Variants in JPH2 observed in about 807,000 individuals in gnomAD.
JPH2 encodes junctophilin-2.
Under a neutral mutation model 55.9 loss-of-function variants are expected in JPH2, and 38 were observed. The observed-to-expected ratio is 0.68, with a 90% CI of 0.52 to 0.89. The LOEUF (loss-of-function observed/expected upper bound fraction) is 0.89, where lower values mean the gene tolerates loss of function less well. Among genes scored for constraint, JPH2 ranks in the 40% least tolerant of loss-of-function variants. The probability of loss-of-function intolerance (pLI) is 0.00; values close to 1 mark genes in which losing one functional copy is unlikely to be tolerated. For missense variants in JPH2, 964 were observed against 1,037.6 expected, an observed-to-expected ratio of 0.93 and a Z score of 0.97; for synonymous variants, 480 against 472.4, an observed-to-expected ratio of 1.02 and a Z score of -0.21.
chr20:44,179,113 A>G (rs2072759469), intron 1 of JPH2, among the ~76,000 whole-genome samples: 1 of 152,178 alleles, frequency 6.6e-6, no homozygotes, highest in Admixed American at 6.5e-5. Context: ...TGTAACAATA[A>G]TAGTAGTAGT....
intron 2 of JPH2, among the ~76,000 whole-genome samples, chr20:44,141,270 T>C (rs1338374993): frequency 1.3e-5 from 2 of 152,222 alleles, no homozygotes; most frequent in African/African-American, 2.4e-5. Flanking sequence ...AGGTCTTCAC[T>C]TCTGCATGGA....
chr20:44,142,299 C>G (rs1377726873), intron 2 of JPH2, among the ~76,000 whole-genome samples: 1 of 152,186 alleles, frequency 6.6e-6, no homozygotes, highest in Non-Finnish European at 1.5e-5. Flanking sequence ...AGAAAGGAAA[C>G]TTTTCCTTTC....
chr20:44,156,333 T>C (rs2072566204), intron 2 of JPH2, among the ~76,000 whole-genome samples: 2 of 152,234 alleles, frequency 1.3e-5, no homozygotes, highest in Non-Finnish European at 2.9e-5. Flanking sequence ...TTTGGAACTT[T>C]TCTGTAAATC....
intron 2 of JPH2, among the ~76,000 whole-genome samples, chr20:44,152,285 G>C (rs1175490642): frequency 6.6e-6 from 1 of 152,238 alleles, no homozygotes; most frequent in Non-Finnish European, 1.5e-5. Context: ...TGTGCAACCT[G>C]TTTGAGAAAC....
rs192860279 is a variant in JPH2, at chr20:44,108,517, C to G, written c.*5001G>C. Among the ~76,000 whole-genome samples, 100 of 151,726 alleles carry G rather than the reference C, an allele frequency of 6.6e-4. No homozygotes were observed. The highest frequency in any genetic ancestry group is 2.4e-3 in the African/African-American group (99 of 41,266). ...GTTCCCTCAGACTTTGCTGACTTTA[C>G]AGCCTCAAGATTGCTGACTTTACAG... On this transcript the variant is annotated 3_prime_UTR_variant, in exon 6 of 6. Coordinates refer to ENST00000372980, the MANE Select transcript of JPH2 (RefSeq NM_020433.5).
chr20:44,177,865 A>G, intron 1 of JPH2: 1 of 1,610,558 alleles, frequency 6.2e-7, no homozygotes, highest in Non-Finnish European at 8.5e-7. Context: ...TGAAGGAAAT[A>G]CGGGAATATA....
At position 44,186,802 on chromosome 20, in the gene JPH2, C is replaced by A. The variant is rs978525805; in HGVS notation, c.-97G>T. ...CTCCTCCAGTGCCCTCGGGGGCAGG[C>A]CCCCAGACTCACCACTGCACCCCAG... On this transcript the variant is annotated 5_prime_UTR_variant, in exon 1 of 6. Coordinates refer to ENST00000372980, the MANE Select transcript of JPH2 (RefSeq NM_020433.5). 2.4e-6 allele frequency: 3 copies of A among 1,247,094 alleles called. No individual in the cohort carries two copies. The highest frequency in any genetic ancestry group is 3.5e-6 in the Non-Finnish European group (3 of 867,340). 77.3% of individuals were successfully genotyped at this position (1,247,094 alleles called of 1,614,324 possible). A position where few individuals can be genotyped will look rare whatever the true frequency, so the allele number is the denominator to read the frequency against.
intron 1 of JPH2, among the ~76,000 whole-genome samples, chr20:44,169,230 G>T (rs1260475687): frequency 6.7e-6 from 1 of 148,486 alleles, no homozygotes; most frequent in Non-Finnish European, 1.5e-5. Flanking sequence ...AGGCTGGAGT[G>T]CAGTAGTGTG....
At chr20:44,170,377 C>T (rs1289339283) in intron 1 of JPH2, among the ~76,000 whole-genome samples, 1 of 152,236 alleles carries the variant, frequency 6.6e-6, no homozygotes, top group Non-Finnish European at 1.5e-5. Flanking sequence ...TGATCCTTCT[C>T]CAAGTCCTCT....
At chr20:44,117,789 TA>T (rs2072205015) in intron 3 of JPH2, among the ~76,000 whole-genome samples, 1 of 152,230 alleles carries the variant, frequency 6.6e-6, no homozygotes, top group African/African-American at 2.4e-5. Flanking sequence ...TCTCCCATTC[TA>T]ACCGCACAGT....
At chr20:44,174,916 C>T (rs956291140) in intron 1 of JPH2, among the ~76,000 whole-genome samples, 2 of 152,090 alleles carry the variant, frequency 1.3e-5, no homozygotes, top group Non-Finnish European at 2.9e-5. Context: ...TTGCTTGAGC[C>T]CCCCGTGCAG....
chr20:44,182,178 T>C (rs1282951321), intron 1 of JPH2, among the ~76,000 whole-genome samples: 1 of 152,212 alleles, frequency 6.6e-6, no homozygotes, highest in African/African-American at 2.4e-5. Context: ...CAGCCGTTCC[T>C]AATCACAGGA....
At chr20:44,166,980 C>G (rs1055722084) in intron 1 of JPH2, among the ~76,000 whole-genome samples, 2 of 152,202 alleles carry the variant, frequency 1.3e-5, no homozygotes, top group Non-Finnish European at 2.9e-5. Context: ...TTGGACTGCT[C>G]ACCACTCACA....
chr20:44,148,157 T>C (rs2072505629), intron 2 of JPH2, among the ~76,000 whole-genome samples: 1 of 151,858 alleles, frequency 6.6e-6, no homozygotes, highest in African/African-American at 2.4e-5. Context: ...AGTGAGACCT[T>C]CTCTCAAATA....
intron 2 of JPH2, among the ~76,000 whole-genome samples, chr20:44,128,140 T>C (rs2145848103): frequency 6.6e-6 from 1 of 152,352 alleles, no homozygotes; most frequent in Non-Finnish European, 1.5e-5. Flanking sequence ...CTATCTTTTG[T>C]CACTTGTGCT....
intron 2 of JPH2, among the ~76,000 whole-genome samples, chr20:44,146,002 C>T (rs573292922): frequency 6.6e-5 from 10 of 152,046 alleles, no homozygotes; most frequent in African/African-American, 2.4e-4. Flanking sequence ...GGTTGGAAGG[C>T]CTGGCTCCCC....
At chr20:44,165,888 C>A (rs892869143) in intron 1 of JPH2, among the ~76,000 whole-genome samples, 1 of 152,196 alleles carries the variant, frequency 6.6e-6, no homozygotes, top group African/African-American at 2.4e-5. Context: ...CGATTCAACC[C>A]GTGCCCAAGG....
intron 2 of JPH2, among the ~76,000 whole-genome samples, chr20:44,146,322 T>G (rs913179750): frequency 2.6e-5 from 4 of 152,022 alleles, no homozygotes; most frequent in Admixed American, 2.0e-4. Context: ...CATGAGCCAC[T>G]GCCCCTGGCC....
intron 2 of JPH2, among the ~76,000 whole-genome samples, chr20:44,152,681 TC>T (rs1569206240): frequency 6.6e-6 from 1 of 152,190 alleles, no homozygotes; most frequent in African/African-American, 2.4e-5. Flanking sequence ...CAGGCCCTCT[TC>T]CCTCTGGTGA....
Sources: allele counts gnomAD v4.1 joint callset (sites outside exome capture counted in the v4.1 genomes callset), GRCh38; gene constraint gnomAD v4.1.1; transcripts MANE v1.5; gene names NCBI Gene and HGNC (gene_info 2026-07-23, HGNC 2026-07-21).